Variants in MAPRE2 observed in about 807,000 individuals in gnomAD.
MAPRE2 encodes the protein microtubule-associated protein RP/EB family member 2.
Under a neutral mutation model 43.2 loss-of-function variants are expected in MAPRE2, and 13 were observed. The ratio of observed to expected loss-of-function variants is 0.30; its 90% CI spans 0.20 to 0.48. The LOEUF is 0.48. MAPRE2 is among the 20% of genes least tolerant of loss of function. MAPRE2 has a pLI of 0.99. For missense variants in MAPRE2, 161 were observed against 400.2 expected, an observed-to-expected ratio of 0.40 and a Z score of 5.10; for synonymous variants, 135 against 148.8, an observed-to-expected ratio of 0.91 and a Z score of 0.68.
At chr18:34,977,717 G>A (rs981179) in intron 1 of MAPRE2, among the ~76,000 whole-genome samples, 100,813 of 152,144 alleles carry the variant, frequency 0.66, 33,757 homozygotes, top group Non-Finnish European at 0.71. Flanking sequence ...AAAAGGAAGC[G>A]GGTTGTTATT....
intron 6 of MAPRE2, among the ~76,000 whole-genome samples, chr18:35,139,384 A>C (rs1166931562): frequency 6.6e-6 from 1 of 152,238 alleles, no homozygotes; most frequent in Non-Finnish European, 1.5e-5. Context: ...GGTAAAAAAC[A>C]GCAAATATTT....
intron 4 of MAPRE2, among the ~76,000 whole-genome samples, chr18:35,116,631 A>G (rs1395050023): frequency 3.3e-5 from 5 of 152,164 alleles, no homozygotes; most frequent in Non-Finnish European, 7.3e-5. Flanking sequence ...GGCCACTTGC[A>G]CCTCCATGCC....
At chr18:35,035,862 CT>C (rs571569757) in intron 2 of MAPRE2, among the ~76,000 whole-genome samples, 387 of 134,186 alleles carry the variant, frequency 2.9e-3, no homozygotes, top group Non-Finnish European at 4.1e-3. Context: ...CTCTTTCCCC[CT>C]GAATGAGAGC....
At chr18:35,012,233 T>C (rs771662106) in intron 2 of MAPRE2, among the ~76,000 whole-genome samples, 40 of 152,046 alleles carry the variant, frequency 2.6e-4, no homozygotes, top group Admixed American at 9.8e-4. Flanking sequence ...GATATAGATA[T>C]AGATATCTTT....
chr18:35,036,019 A>G (rs1016687395), intron 2 of MAPRE2, among the ~76,000 whole-genome samples: 7 of 150,748 alleles, frequency 4.6e-5, no homozygotes, highest in African/African-American at 4.9e-5. Context: ...GCTAGTATTT[A>G]CCACTAGCAT....
intron 2 of MAPRE2, among the ~76,000 whole-genome samples, chr18:35,074,888 G>A (rs185903347): frequency 1.3e-5 from 2 of 152,234 alleles, no homozygotes; most frequent in African/African-American, 4.8e-5. Context: ...GTCACTGAAA[G>A]CTGTTATTTT....
At chr18:35,042,587 T>C (rs1211953619) in intron 1 of MAPRE2, among the ~76,000 whole-genome samples, 2 of 152,238 alleles carry the variant, frequency 1.3e-5, no homozygotes, top group Non-Finnish European at 2.9e-5. Flanking sequence ...TAGAGTCTTA[T>C]GCAGCTCAAG....
At chr18:35,046,887 A>G (rs1287715815) in intron 1 of MAPRE2, among the ~76,000 whole-genome samples, 1 of 152,186 alleles carries the variant, frequency 6.6e-6, no homozygotes, top group African/African-American at 2.4e-5. Flanking sequence ...GCAGATGCCC[A>G]CTTCATAGCT....
At chr18:35,091,279 A>G (rs1252494439) in intron 2 of MAPRE2, among the ~76,000 whole-genome samples, 1 of 152,234 alleles carries the variant, frequency 6.6e-6, no homozygotes, top group African/African-American at 2.4e-5. Flanking sequence ...TATGCACAAA[A>G]TTATTAAAAA....
At chr18:35,063,270 AT>A (rs542523611) in intron 1 of MAPRE2, among the ~76,000 whole-genome samples, 20 of 149,222 alleles carry the variant, frequency 1.3e-4, no homozygotes, top group South Asian at 4.2e-4. Context: ...CGCCTGGCTA[AT>A]TTTTTTTTTG....
intron 2 of MAPRE2, among the ~76,000 whole-genome samples, chr18:35,091,744 T>A (rs1603400121): frequency 6.6e-6 from 1 of 151,022 alleles, no homozygotes; most frequent in Non-Finnish European, 1.5e-5. Context: ...AAAAAAAAAA[T>A]ACTGAGGCAT....
chr18:35,073,400 A>C (rs905828468), intron 2 of MAPRE2, among the ~76,000 whole-genome samples: 1 of 152,204 alleles, frequency 6.6e-6, no homozygotes, highest in Non-Finnish European at 1.5e-5. Flanking sequence ...TTGTTGACTT[A>C]AGTGACTTAT....
chr18:35,132,229 G>A, intron 6 of MAPRE2, 39 bp downstream of exon 6: 1 of 1,600,796 alleles, frequency 6.2e-7, no homozygotes, highest in Non-Finnish European at 8.5e-7. Context: ...GTTCTAAAAT[G>A]ACTCTCTTGG....
At chr18:35,029,810 G>C (rs1204166715) in intron 2 of MAPRE2, among the ~76,000 whole-genome samples, 1 of 152,144 alleles carries the variant, frequency 6.6e-6, no homozygotes, top group Admixed American at 6.5e-5. Flanking sequence ...ATAGAGAAAG[G>C]AAATAGAGGA....
chr18:35,118,655 A>T (rs569293800), intron 4 of MAPRE2, among the ~76,000 whole-genome samples: 95 of 152,276 alleles, frequency 6.2e-4, no homozygotes, highest in Non-Finnish European at 7.2e-4. Flanking sequence ...CAGCAGGCAG[A>T]GTGAGCCTTT....
At chr18:35,069,863 G>A (rs1470790515) in intron 1 of MAPRE2, among the ~76,000 whole-genome samples, 1 of 151,476 alleles carries the variant, frequency 6.6e-6, no homozygotes, top group African/African-American at 2.5e-5. Context: ...TTACTCTGGT[G>A]TATACTGCTA....
chr18:35,015,525 C>A (rs1197714430), intron 2 of MAPRE2, among the ~76,000 whole-genome samples: 1 of 151,926 alleles, frequency 6.6e-6, no homozygotes, highest in Non-Finnish European at 1.5e-5. Context: ...AGGACCCAAG[C>A]GGGTGTGAAT....
intron 1 of MAPRE2, among the ~76,000 whole-genome samples, chr18:34,987,925 G>A (rs966638897): frequency 2.0e-5 from 3 of 152,136 alleles, no homozygotes; most frequent in African/African-American, 4.8e-5. Flanking sequence ...TTACAGGCAT[G>A]AGCCACCGCA....
intron 1 of MAPRE2, chr18:35,005,369 T>C (rs1045103162): frequency 1.8e-5 from 10 of 546,350 alleles, no homozygotes; most frequent in South Asian, 1.3e-4. Context: ...TTGGCGTGTA[T>C]TTTTTCTTTA....
Sources: gnomAD v4.1 joint callset for allele counts (sites outside exome capture counted in the v4.1 genomes callset) on GRCh38, gnomAD v4.1.1 for gene constraint, MANE v1.5 for transcripts, NCBI Gene and HGNC (gene_info 2026-07-23, HGNC 2026-07-21) for gene names.